The following SELE variants were observed in gnomAD, a reference collection of about 807,000 sequenced individuals.
SELE encodes E-selectin.
Under a neutral mutation model 75.8 loss-of-function variants are expected in SELE, and 52 were observed. That is an observed-to-expected ratio of 0.69 (90% CI 0.55 to 0.86). The LOEUF (loss-of-function observed/expected upper bound fraction) is 0.86. SELE is among the 40% of genes least tolerant of loss of function. SELE has a pLI of 0.00. For missense variants in SELE, 754 were observed against 732.7 expected, an observed-to-expected ratio of 1.03 and a Z score of -0.34; for synonymous variants, 285 against 258.7, an observed-to-expected ratio of 1.10 and a Z score of -0.98.
At chr1:169,730,043 G>C (rs1648874716) in intron 5 of SELE, among the ~76,000 whole-genome samples, 1 of 151,980 alleles carries the variant, frequency 6.6e-6, no homozygotes, top group Non-Finnish European at 1.5e-5. Context: ...TTGGCCTCTG[G>C]TTCAGAAAGA....
chr1:169,732,262 T>C (rs556079799), intron 3 of SELE, among the ~76,000 whole-genome samples: 2 of 150,904 alleles, frequency 1.3e-5, no homozygotes, highest in East Asian at 3.9e-4. Context: ...TGTAAAGAAC[T>C]ACATATTTGC....
rs1222601638 is a variant in SELE at position 169,728,221 on chromosome 1, G to T, written c.1116C>A (p.Asn372Lys). 6.2e-6 allele frequency: 10 copies of T among 1,614,034 alleles called. No homozygotes were observed. Among genetic ancestry groups the T allele is most frequent in the South Asian group, 3.3e-5 (3 of 91,072 alleles). Residue 372 changes from asparagine to lysine, a missense_variant, in exon 8 of 14, where the codon AAC becomes AAA. By Grantham distance (94) the Asn-to-Lys change is moderately conservative. Transcript: ENST00000333360. The part of the protein sequence containing the change: ...CEAFQCTALS[N>K]PERGYMNCLP... ...GACAATTCATGTAGCCTCGCTCGGG[G>T]TTGGACAAGGCTGTGCACTGGAAAG...
chr1:169,733,510 G>A (rs369838560), intron 2 of SELE, 66 bp downstream of exon 2: 416 of 1,487,446 alleles, frequency 2.8e-4, no homozygotes, highest in Non-Finnish European at 3.7e-4. Flanking sequence ...GACAAGCAAG[G>A]ATATTTCAGT....
intron 7 of SELE, 88 bp downstream of exon 7, chr1:169,729,098 A>G (rs1648844421): frequency 1.7e-6 from 2 of 1,181,848 alleles, no homozygotes. Flanking sequence ...TTCTATAGTT[A>G]AAGTGGGTAT....
chr1:169,732,547 C>T, intron 3 of SELE, 68 bp downstream of exon 3: 1 of 1,501,180 alleles, frequency 6.7e-7, no homozygotes, highest in Non-Finnish European at 8.9e-7. Context: ...GCAGTTTTTG[C>T]ATGCTGTAAA....
At chr1:169,733,495 C>A in intron 2 of SELE, 81 bp downstream of exon 2, 1 of 1,385,302 alleles carries the variant, frequency 7.2e-7, no homozygotes, top group Admixed American at 1.7e-5. Context: ...TGCAGGACAG[C>A]CCCAGACAAG....
intron 12 of SELE, 45 bp from the exon 13 acceptor site, chr1:169,725,846 A>G: frequency 6.2e-7 from 1 of 1,613,710 alleles, no homozygotes; most frequent in Non-Finnish European, 8.5e-7. Flanking sequence ...GTCTTCCAAC[A>G]TGAAGAGAGA....
At chr1:169,729,870 C>T (rs1292853876) in intron 5 of SELE, among the ~76,000 whole-genome samples, 197 bp from the exon 6 acceptor site, 1 of 152,096 alleles carries the variant, frequency 6.6e-6, no homozygotes, top group Non-Finnish European at 1.5e-5. Context: ...TTCTGATTTC[C>T]ACTTTGCCTA....
intron 11 of SELE, 113 bp from the exon 12 acceptor site, chr1:169,726,041 A>G: frequency 8.3e-7 from 1 of 1,198,334 alleles, no homozygotes; most frequent in South Asian, 1.3e-5. Flanking sequence ...TCGATGCTTC[A>G]GGGCCTCTGT....
Position 169,727,937 on chromosome 1 carries a change from A to AG in SELE, c.1280-11_1280-10insC. ...GCATCGCATCTCACAGCTGGAACAC[A>AG]CGAGAGAGCACTTTAGAAGTTTGTT... is the stretch of plus-strand genomic sequence containing the variant. On this transcript the variant is annotated splice_polypyrimidine_tract_variant and intron_variant, in intron 8 of 13. Coordinates refer to ENST00000333360, the MANE Select transcript of SELE (RefSeq NM_000450.2). 6.2e-7 allele frequency: 1 copy of AG among 1,609,142 alleles called. No individual in the cohort carries two copies.
rs766089621 is a variant in SELE at position 169,728,117 on chromosome 1, G to T, written c.1220C>A (p.Ser407Tyr). The T allele has an allele frequency of 6.2e-7, 1 of 1,614,136 alleles. No homozygotes were observed. ...TGTGGGGCCACATTGGAGCCTTTTG[G>T]ATCCCTTCAACACAAAACCCTGCTC... ...SCEQGFVLKG[S>Y]KRLQCGPTGE... Residue 407 changes from serine (S) to tyrosine (Y), a missense_variant, in exon 8 of 14, where the codon TCC (serine) becomes TAC (tyrosine). Ser to Tyr is a moderately radical substitution (Grantham distance 144, BLOSUM62 -2). Coordinates refer to ENST00000333360, the MANE Select transcript of SELE (RefSeq NM_000450.2).
chr1:169,727,576 C>T, intron 9 of SELE, 51 bp from the exon 10 acceptor site: 3 of 1,578,050 alleles, frequency 1.9e-6, no homozygotes, highest in Non-Finnish European at 2.6e-6. Context: ...TACTGGAAAA[C>T]TTCCAAAACT....
In SELE at chr1:169,732,910, T is replaced by C. The variant is rs1307792290; in HGVS notation, c.126A>G (p.Gln42=). ...TYDEASAYCQ[Q]RYTHLVAIQN... ...GAATTGCAACCAGGTGTGTGTACCT[T>C]TGCTGACAATAAGCACTGGCCTCAT... is the stretch of plus-strand genomic sequence containing the variant. Residue 42 remains glutamine (Q), a synonymous_variant, in exon 3 of 14, where the codon CAA becomes CAG. Coordinates refer to ENST00000333360, the MANE Select transcript of SELE (RefSeq NM_000450.2). 8.1e-6 allele frequency: 13 copies of C among 1,614,006 alleles called. No individual in the cohort carries two copies. The highest frequency in any genetic ancestry group is 1.7e-5 in the Admixed American group (1 of 60,002).
chr1:169,732,381 T>TAC (rs145745131), intron 3 of SELE, among the ~76,000 whole-genome samples: 5 of 149,624 alleles, frequency 3.3e-5, no homozygotes, highest in Admixed American at 6.7e-5. Flanking sequence ...TATATATATA[T>TAC]ACACACACAC....
intron 7 of SELE, among the ~76,000 whole-genome samples, chr1:169,728,603 G>T (rs991161147): frequency 6.6e-6 from 1 of 152,196 alleles, no homozygotes; most frequent in African/African-American, 2.4e-5. Flanking sequence ...TATAAAATTT[G>T]TCTGTTTTGC....
chr1:169,732,252 T>C (rs1403480034), intron 3 of SELE, among the ~76,000 whole-genome samples: 5 of 151,540 alleles, frequency 3.3e-5, no homozygotes, highest in African/African-American at 1.2e-4. Flanking sequence ...CATTTTTATA[T>C]GTAAAGAACT....
intron 13 of SELE, 102 bp downstream of exon 13, chr1:169,725,627 G>A (rs1048192362): frequency 2.3e-6 from 2 of 887,716 alleles, no homozygotes; most frequent in Non-Finnish European, 3.6e-6. Context: ...TTTCTCCCCT[G>A]CTCCCTCCCT....
chr1:169,726,898 A>G, intron 10 of SELE, 92 bp from the exon 11 acceptor site: 1 of 817,112 alleles, frequency 1.2e-6, no homozygotes, highest in Non-Finnish European at 2.0e-6. Context: ...CTGTACATTC[A>G]TTACTAGGAG....
intron 6 of SELE, 24 bp downstream of exon 6, chr1:169,729,464 A>T (rs565986113): frequency 1.9e-6 from 3 of 1,611,964 alleles, no homozygotes; most frequent in East Asian, 2.2e-5. Flanking sequence ...GTTCACAGTA[A>T]GTCTCCATGT....
Sources: allele counts gnomAD v4.1 joint callset (sites outside exome capture counted in the v4.1 genomes callset), GRCh38; gene constraint gnomAD v4.1.1; transcripts MANE v1.5; gene names NCBI Gene and HGNC (gene_info 2026-07-23, HGNC 2026-07-21).